Variants in LAMB3 observed in about 807,000 individuals in gnomAD.
LAMB3 encodes the protein laminin subunit beta 3.
LAMB3 carries 104 observed loss-of-function variants against 140.3 expected under a neutral mutation model. That is an observed-to-expected ratio of 0.74 (90% confidence interval 0.63 to 0.87). The LOEUF (loss-of-function observed/expected upper bound fraction) is 0.87. LAMB3 is among the 40% of genes least tolerant of loss of function. The probability of loss-of-function intolerance (pLI) is 0.00; values close to 1 mark genes in which losing one functional copy is unlikely to be tolerated. For missense variants in LAMB3, 1,531 were observed against 1,575.2 expected (o/e 0.97, Z 0.47); for synonymous variants, 592 against 602.9 (o/e 0.98, Z 0.26).
intron 3 of LAMB3, among the ~76,000 whole-genome samples, chr1:209,646,117 T>C (rs1188663626): frequency 1.3e-5 from 2 of 152,062 alleles, no homozygotes; most frequent in Non-Finnish European, 2.9e-5. Flanking sequence ...AGGGAGGGAA[T>C]GGGGGATAAA....
intron 4 of LAMB3, 133 bp downstream of exon 4, chr1:209,638,398 ATTC>A: frequency 1.4e-6 from 1 of 711,058 alleles, no homozygotes; most frequent in South Asian, 1.5e-5. Flanking sequence ...AGGCAGAAAG[ATTC>A]TTCTTATCAA....
chr1:209,622,930 T>C (rs1216798706), intron 17 of LAMB3, 52 bp downstream of exon 17: 1 of 1,590,338 alleles, frequency 6.3e-7, no homozygotes, highest in Non-Finnish European at 8.6e-7. Context: ...CCGGGGGATC[T>C]ATCCTGTCTG....
chr1:209,622,567 G>A lies in LAMB3; in HGVS notation c.2670C>T (p.Leu890=), dbSNP rs965363325. ...GGAAGTCCCGGACCTGCTGGATTAG[G>A]AGCCGTGTGCGTCTGACATCTTCCT... is the stretch of plus-strand genomic sequence containing the variant. ...QMEEDVRRTR[L]LIQQVRDFLT... is the part of the protein sequence containing the mutation. Residue 890 remains leucine, a synonymous_variant, in exon 18 of 23, where the codon CTC becomes CTT. Transcript: ENST00000356082. The A allele has an allele frequency of 1.9e-6, 3 of 1,614,100 alleles. No individual in the cohort carries two copies. Among genetic ancestry groups the A allele is most frequent in the Non-Finnish European group, 2.5e-6 (3 of 1,180,024 alleles).
intron 3 of LAMB3, among the ~76,000 whole-genome samples, chr1:209,649,654 TG>T (rs1395632960): frequency 2.0e-5 from 3 of 152,244 alleles, no homozygotes; most frequent in Non-Finnish European, 4.4e-5. Context: ...TTGGCCTATT[TG>T]CCTATTCCCA....
Position 209,616,668 on chromosome 1 carries a change from G to T in LAMB3, c.3229-44C>A, listed in dbSNP as rs757189007. 22 of 1,602,140 alleles carry T rather than the reference G, an allele frequency of 1.4e-5. 1 individual carries two copies. In the South Asian group the frequency reaches 2.1e-4, roughly 15 times the overall value. ...TCTCAGTGTCATTGTCATCATGCAA[G>T]GTCCTAAAGACCTGTGGCCAAAGCA... is the stretch of plus-strand genomic sequence containing the variant. On this transcript the variant is annotated intron_variant, in intron 21 of 22. Transcript: ENST00000356082.
At chr1:209,629,641 G>T in intron 10 of LAMB3, 96 bp downstream of exon 10, 1 of 1,181,252 alleles carries the variant, frequency 8.5e-7, no homozygotes, top group Non-Finnish European at 1.3e-6. Context: ...CTCCCTGAGG[G>T]CCTTGGTGTG....
intron 3 of LAMB3, among the ~76,000 whole-genome samples, chr1:209,647,609 G>C (rs2236901): frequency 0.28 from 42,621 of 152,012 alleles, 6,271 homozygotes; most frequent in Admixed American, 0.39. Flanking sequence ...GTCTGTGGGA[G>C]TGGGAACTAC....
Position 209,650,923 on chromosome 1 carries a change from A to C in LAMB3, c.22T>G (p.Cys8Gly). Residue 8 changes from cysteine (C) to glycine (G), a missense_variant, in exon 2 of 23, where the codon TGT (cysteine) becomes GGT (glycine). Transcript: ENST00000356082. Reference protein sequence around the residue: MRPFFLLCFALPGLLHAQ... With the variant: MRPFFLLGFALPGLLHAQ... ...GATGGGAAGGGGTACTTACCAAAAC[A>C]CAAGAGGAAGAATGGTCTCATCTTC... 1 of 1,614,178 alleles carries C rather than the reference A, an allele frequency of 6.2e-7. No individual in the cohort carries two copies. Among genetic ancestry groups the C allele is most frequent in the South Asian group, 1.1e-5 (1 of 91,084 alleles).
chr1:209,649,428 C>G (rs1236936907), intron 3 of LAMB3, among the ~76,000 whole-genome samples: 2 of 152,228 alleles, frequency 1.3e-5, no homozygotes, highest in African/African-American at 2.4e-5. Context: ...CCATGACTAA[C>G]AGGCAATGTT....
At chr1:209,616,775 C>T in intron 21 of LAMB3, 151 bp from the exon 22 acceptor site, 1 of 764,266 alleles carries the variant, frequency 1.3e-6, no homozygotes, top group East Asian at 2.7e-5. Context: ...TATTGAAACC[C>T]CTGAGCCACA....
intron 14 of LAMB3, among the ~76,000 whole-genome samples, chr1:209,624,433 TC>T (rs1465032466): frequency 1.3e-5 from 2 of 152,260 alleles, no homozygotes; most frequent in East Asian, 3.9e-4. Flanking sequence ...CAGCTGGTCA[TC>T]CCCCCGAAGG....
chr1:209,628,260 A>C, intron 10 of LAMB3, 70 bp from the exon 11 acceptor site: 1 of 1,518,580 alleles, frequency 6.6e-7, no homozygotes, highest in Non-Finnish European at 8.9e-7. Context: ...TCCAGGAGCC[A>C]GGCTGCCTGG....
At position 209,633,065 on chromosome 1, in the gene LAMB3, C is replaced by T; in HGVS notation, c.628+5G>A. 1 of 1,600,416 alleles carries T rather than the reference C, an allele frequency of 6.2e-7. No individual in the cohort carries two copies. Among genetic ancestry groups the T allele is most frequent in the Non-Finnish European group, 8.6e-7 (1 of 1,167,550 alleles). On this transcript the variant is annotated splice_donor_5th_base_variant and intron_variant, in intron 7 of 22. Transcript: ENST00000356082. ...TCCATGGACAAGAGAAGTAACCACA[C>T]TGACCTTGAATTTTTTGACTTTGAG...
At chr1:209,622,941 C>G in intron 17 of LAMB3, 41 bp downstream of exon 17, 1 of 1,601,976 alleles carries the variant, frequency 6.2e-7, no homozygotes, top group Non-Finnish European at 8.5e-7. Context: ...ATCCTGTCTG[C>G]CTCCTCCTAC....
chr1:209,625,142 C>T (rs1666383714), intron 14 of LAMB3, among the ~76,000 whole-genome samples: 1 of 152,168 alleles, frequency 6.6e-6, no homozygotes, highest in Non-Finnish European at 1.5e-5. Flanking sequence ...TGGCTCTGTG[C>T]ACAGTCAGAA....
intron 14 of LAMB3, among the ~76,000 whole-genome samples, chr1:209,624,594 C>T (rs539763454): frequency 2.0e-5 from 3 of 152,320 alleles, no homozygotes; most frequent in East Asian, 3.9e-4. Context: ...AGGCACAGAA[C>T]GCCCTTCCAT....
intron 3 of LAMB3, among the ~76,000 whole-genome samples, chr1:209,642,177 A>G (rs921838904): frequency 2.0e-5 from 3 of 152,186 alleles, no homozygotes; most frequent in Admixed American, 6.5e-5. Flanking sequence ...AGAAATGATT[A>G]TATTATGTTT....
At position 209,649,544 on chromosome 1, in the gene LAMB3, A is replaced by G. The variant is rs1348762152; in HGVS notation, c.183+420T>C. Among the ~76,000 whole-genome samples, 6 of 152,176 alleles carry G rather than the reference A, an allele frequency of 3.9e-5. No homozygotes were observed. In the East Asian group the frequency reaches 5.8e-4, roughly 15 times the overall value. On this transcript the variant is annotated intron_variant, in intron 3 of 22. Transcript: ENST00000356082. ...CACTTCCTCATCTATCTCACTGACC[A>G]TGGCACAGCTCAGTTCCTGCCATGG...
In LAMB3 at chr1:209,650,954, A is replaced by G. The variant is rs907441906; in HGVS notation, c.-10T>C. 7 of 1,614,054 alleles carry G rather than the reference A, an allele frequency of 4.3e-6. No homozygotes were observed. Among genetic ancestry groups the G allele is most frequent in the Admixed American group, 1.7e-5 (1 of 60,012 alleles). On this transcript the variant is annotated 5_prime_UTR_variant, in exon 2 of 23. Transcript: ENST00000356082. ...GGAAGAATGGTCTCATCTTCAGCCA[A>G]TGGGGTGATCCCCAGAAAGGACCTT...
Sources: gnomAD v4.1 joint callset for allele counts (sites outside exome capture counted in the v4.1 genomes callset) on GRCh38, gnomAD v4.1.1 for gene constraint, MANE v1.5 for transcripts, NCBI Gene and HGNC (gene_info 2026-07-23, HGNC 2026-07-21) for gene names.